The following TRIM8 variants were observed in gnomAD, a reference collection of about 807,000 sequenced individuals.
TRIM8 encodes tripartite motif containing 8.
TRIM8 carries 9 observed loss-of-function variants against 55.7 expected under a neutral mutation model. The observed-to-expected ratio is 0.16, with a 90% CI of 0.10 to 0.28. The LOEUF (loss-of-function observed/expected upper bound fraction) is 0.28, where lower values mean the gene tolerates loss of function less well. Ranked by LOEUF, TRIM8 falls within the 10% of genes least tolerant of loss-of-function variation. TRIM8 has a pLI of 1.00. For synonymous variants in TRIM8, 335 were observed against 333.3 expected (o/e 1.01, Z -0.06); for missense variants, 556 against 736.4 (o/e 0.76, Z 2.83).
At chr10:102,654,343 A>G (rs952752729) in intron 1 of TRIM8, 57 of 248,320 alleles carry the variant, frequency 2.3e-4, no homozygotes, top group African/African-American at 1.3e-3. Context: ...AGGCTAAGAC[A>G]GGAGAATCAC....
At chr10:102,646,100 A>G (rs780879084) in intron 1 of TRIM8, among the ~76,000 whole-genome samples, 1 of 152,124 alleles carries the variant, frequency 6.6e-6, no homozygotes, top group Non-Finnish European at 1.5e-5. Context: ...GCCGCGGCCA[A>G]TGTCAAACCG....
chr10:102,645,581 T>G, intron 1 of TRIM8: 7 of 171,550 alleles, frequency 4.1e-5, no homozygotes, highest in Admixed American at 6.3e-5. Context: ...ATGTAATGAG[T>G]GTCCCGGTGC....
Position 102,655,226 on chromosome 10 carries a change from C to T in TRIM8, c.813C>T (p.His271=), listed in dbSNP as rs764602603. The T allele has an allele frequency of 2.5e-6, 4 of 1,605,152 alleles. No homozygotes were observed. Among genetic ancestry groups the T allele is most frequent in the African/African-American group, 1.3e-5 (1 of 74,208 alleles). The part of the protein sequence containing the change: ...FCSENAAQAL[H]LGERMQEAKK... ...GCGAGAACGCAGCGCAGGCGCTGCA[C>T]CTCGGGGAGCGCATGCAGGAGGCCA... The change falls in exon 3 of 6, where the codon CAC becomes CAT. Residue 271 remains histidine, a synonymous_variant. Transcript: ENST00000643721.
Position 102,644,951 on chromosome 10 carries a change from G to T in TRIM8, c.334G>T (p.Ala112Ser). The T allele has an allele frequency of 6.3e-7, 1 of 1,596,140 alleles. No homozygotes were observed. The highest frequency in any genetic ancestry group is 2.3e-5 in the East Asian group (1 of 44,028). Residue 112 changes from alanine to serine, a missense_variant, in exon 1 of 6, where the codon GCG (alanine) becomes TCG (serine). Transcript: ENST00000643721. ...GCAGAAGGTCTGCCTGCGCTGCGAGGCGCCCTGCTGCCAGTCCCACGTGCA... is the reference window on the plus strand; with the variant it reads ...GCAGAAGGTCTGCCTGCGCTGCGAGTCGCCCTGCTGCCAGTCCCACGTGCA... ...PAQKVCLRCE[A>S]PCCQSHVQTH...
intron 1 of TRIM8, among the ~76,000 whole-genome samples, chr10:102,650,902 G>C (rs559008303): frequency 6.6e-6 from 1 of 152,154 alleles, no homozygotes; most frequent in Admixed American, 6.5e-5. Context: ...TTGCTCATTC[G>C]GTGAACTGGG....
chr10:102,648,909 A>G (rs897374550), intron 1 of TRIM8, among the ~76,000 whole-genome samples: 1 of 152,202 alleles, frequency 6.6e-6, no homozygotes, highest in Non-Finnish European at 1.5e-5. Flanking sequence ...AGCCTCAGGC[A>G]GAGGCCCAGC....
At chr10:102,650,472 G>A (rs990777265) in intron 1 of TRIM8, among the ~76,000 whole-genome samples, 1 of 152,162 alleles carries the variant, frequency 6.6e-6, no homozygotes, top group Non-Finnish European at 1.5e-5. Flanking sequence ...GGCCCGACAG[G>A]CAGGGCTGGG....
chr10:102,650,764 T>G (rs2063978012), intron 1 of TRIM8, among the ~76,000 whole-genome samples: 2 of 152,112 alleles, frequency 1.3e-5, no homozygotes, highest in Admixed American at 1.3e-4. Context: ...GGGCCTTGGC[T>G]CTTAGCCATT....
chr10:102,652,446 C>T (rs1329497550), intron 1 of TRIM8, among the ~76,000 whole-genome samples: 1 of 152,180 alleles, frequency 6.6e-6, no homozygotes, highest in East Asian at 1.9e-4. Flanking sequence ...TGCAGCATGA[C>T]AGTTACTGTG....
chr10:102,654,940 T>A, intron 2 of TRIM8, 140 bp from the exon 3 acceptor site: 1 of 1,025,028 alleles, frequency 9.8e-7, no homozygotes, highest in Non-Finnish European at 1.5e-6. Context: ...AGTGGGGAAC[T>A]GGCAGGTCAG....
intron 1 of TRIM8, among the ~76,000 whole-genome samples, chr10:102,648,879 C>T (rs540278282): frequency 6.6e-6 from 1 of 152,328 alleles, no homozygotes. Context: ...GCTTGGCTTT[C>T]TCCGTTGCCC....
intron 1 of TRIM8, among the ~76,000 whole-genome samples, chr10:102,649,444 G>C (rs1445025899): frequency 6.6e-6 from 1 of 152,226 alleles, no homozygotes; most frequent in Admixed American, 6.5e-5. Flanking sequence ...GTTGGGTGCA[G>C]TCTGGCGAGG....
chr10:102,646,332 C>A (rs996390591), intron 1 of TRIM8, among the ~76,000 whole-genome samples: 1 of 152,150 alleles, frequency 6.6e-6, no homozygotes, highest in Non-Finnish European at 1.5e-5. Context: ...CTAGGCTGCA[C>A]TCTGGTGGGA....
chr10:102,656,046 T>G lies in TRIM8; in HGVS notation c.901-60T>G. On this transcript the variant is annotated intron_variant, in intron 3 of 5. Coordinates refer to ENST00000643721, the MANE Select transcript of TRIM8 (RefSeq NM_030912.3). The surrounding 1 kb of genome is among the most constrained non-coding windows in gnomAD (Gnocchi z 4.6). ...GGGGGGCAGCTTTTGTCTTCCCCTC[T>G]CCCCGGGCTCTCCCTGGACTGCCTT... 6.3e-7 allele frequency: 1 copy of G among 1,591,500 alleles called. No homozygotes were observed.
Position 102,656,785 on chromosome 10 carries a change from C to T in TRIM8, c.1087C>T (p.Pro363Ser), listed in dbSNP as rs1053409327. ...STPVPFLQSV[P>S]LYPCGVSSSG... Reference sequence around the variant, plus strand: ...GCCGGTGCCCTTCCTGCAGAGTGTCCCCCTGTACCCTTGCGGCGTGAGCAG... The same window carrying T: ...GCCGGTGCCCTTCCTGCAGAGTGTCTCCCTGTACCCTTGCGGCGTGAGCAG... The change falls in exon 6 of 6, where the codon CCC (proline) becomes TCC (serine). Residue 363 changes from proline (P) to serine (S), a missense_variant. By Grantham distance (74) the Pro-to-Ser change is moderately conservative. Around this residue, in one of 2 missense-constraint regions of TRIM8, gnomAD observed 391 missense variants for 441.0 expected, o/e 0.89. Transcript: ENST00000643721. This position sits in a 1 kb window ranked among gnomAD's most constrained non-coding sequence, Gnocchi z 4.6. The T allele has an allele frequency of 7.9e-6, 12 of 1,517,082 alleles. No homozygotes were observed. Among genetic ancestry groups the T allele is most frequent in the African/African-American group, 2.8e-5 (2 of 71,610 alleles). 94.0% of individuals were successfully genotyped at this position (1,517,082 alleles called of 1,614,324 possible).
At chr10:102,653,518 C>G (rs1308763508) in intron 1 of TRIM8, 1 of 152,714 alleles carries the variant, frequency 6.5e-6, no homozygotes, top group African/African-American at 2.4e-5. Flanking sequence ...AGAGGCATAT[C>G]TGGTGAGAGG....
In TRIM8 at chr10:102,656,508, T is replaced by C; in HGVS notation, c.1048+123T>C. 1 of 1,445,902 alleles carries C rather than the reference T, an allele frequency of 6.9e-7. No individual in the cohort carries two copies. The highest frequency in any genetic ancestry group is 9.2e-7 in the Non-Finnish European group (1 of 1,082,616). The allele number at this position is 1,445,902 out of a possible 1,614,324, so 89.6% of individuals were successfully genotyped here. A position where few individuals can be genotyped will look rare whatever the true frequency, so the allele number is the denominator to read the frequency against. On this transcript the variant is annotated intron_variant, in intron 5 of 5. Coordinates refer to ENST00000643721, the MANE Select transcript of TRIM8 (RefSeq NM_030912.3). This position sits in a 1 kb window ranked among gnomAD's most constrained non-coding sequence, Gnocchi z 4.6. ...GAGACCTGTCCTCATATCCAGGCTT[T>C]GCCACTTGTAGCTGTGGGACAGTGG...
chr10:102,646,393 G>T (rs1410578030), intron 1 of TRIM8, among the ~76,000 whole-genome samples: 2 of 152,220 alleles, frequency 1.3e-5, no homozygotes. Flanking sequence ...AGGCCAGTGC[G>T]GAGGCTGGCT....
At chr10:102,649,815 G>A (rs1240758180) in intron 1 of TRIM8, among the ~76,000 whole-genome samples, 2 of 152,240 alleles carry the variant, frequency 1.3e-5, no homozygotes, top group East Asian at 1.9e-4. Context: ...TTGAGGCATG[G>A]AAAGGGGGTT....
Sources: gnomAD v4.1 joint callset for allele counts (sites outside exome capture counted in the v4.1 genomes callset) on GRCh38, gnomAD v4.1.1 for gene constraint, gnomAD v4.1.1 regional missense constraint, Gnocchi (gnomAD v3.1) non-coding constraint, MANE v1.5 for transcripts, NCBI Gene and HGNC (gene_info 2026-07-23, HGNC 2026-07-21) for gene names.